The following EHMT1 variants were observed in gnomAD, a reference collection of about 807,000 sequenced individuals.
The protein encoded by EHMT1 is histone-lysine N-methyltransferase EHMT1.
Under a neutral mutation model 147.2 loss-of-function variants are expected in EHMT1, and 15 were observed. The observed-to-expected ratio is 0.10, with a 90% CI of 0.07 to 0.16. The LOEUF is 0.16. EHMT1 is among the 10% of genes least tolerant of loss of function. The pLI is 1.00. For missense variants in EHMT1, 1,587 were observed against 1,772.4 expected (o/e 0.90, Z 1.88); for synonymous variants, 795 against 709.6 (o/e 1.12, Z -1.91).
intron 23 of EHMT1, 49 bp from the exon 24 acceptor site, chr9:137,817,390 A>G (rs1181719400): frequency 6.2e-7 from 1 of 1,605,522 alleles, no homozygotes; most frequent in African/African-American, 1.3e-5. Context: ...CCATTGTGGC[A>G]ACAGGCTGAG....
intron 12 of EHMT1, chr9:137,777,050 G>T: frequency 1.7e-6 from 1 of 577,234 alleles, no homozygotes; most frequent in Non-Finnish European, 3.0e-6. Context: ...TGGTTATGTA[G>T]ATCCATTTGC....
intron 7 of EHMT1, among the ~76,000 whole-genome samples, chr9:137,753,402 C>T (rs1221179687): frequency 6.6e-6 from 1 of 152,158 alleles, no homozygotes; most frequent in Non-Finnish European, 1.5e-5. Flanking sequence ...AAATTCTTCC[C>T]AAAAGTTTTG....
chr9:137,759,374 A>G (rs1360350796), intron 9 of EHMT1, among the ~76,000 whole-genome samples: 3 of 152,182 alleles, frequency 2.0e-5, no homozygotes, highest in Non-Finnish European at 4.4e-5. Context: ...AGGAGTAAAT[A>G]GTATTTCATT....
intron 1 of EHMT1, among the ~76,000 whole-genome samples, chr9:137,675,674 C>T (rs545779349): frequency 7.0e-6 from 1 of 142,208 alleles, no homozygotes; most frequent in South Asian, 2.3e-4. Context: ...CGCTCTGTCA[C>T]CAGGCTGGCT....
intron 25 of EHMT1, 23 bp from the exon 26 acceptor site, chr9:137,834,326 C>A (rs529969669): frequency 1.2e-6 from 2 of 1,603,744 alleles, no homozygotes; most frequent in Non-Finnish European, 1.7e-6. Context: ...AACTGCAGCC[C>A]GTGCCGGCTT....
At chr9:137,649,577 G>A (rs1845159218) in intron 1 of EHMT1, among the ~76,000 whole-genome samples, 1 of 152,202 alleles carries the variant, frequency 6.6e-6, no homozygotes, top group African/African-American at 2.4e-5. Flanking sequence ...ATTAATTAAG[G>A]ATCTTGAGAT....
chr9:137,666,210 G>A (rs1939629370), intron 1 of EHMT1, among the ~76,000 whole-genome samples: 1 of 152,158 alleles, frequency 6.6e-6, no homozygotes, highest in Admixed American at 6.5e-5. Flanking sequence ...TTGCTCTCTG[G>A]TCACCCACCA....
At position 137,678,457 on chromosome 9, in the gene EHMT1, C is replaced by T. The variant is rs116815682; in HGVS notation, c.22-32510C>T. On this transcript the variant is annotated intron_variant, in intron 1 of 26. Transcript: ENST00000460843. ...TTTTGTGAAATGCTTTTTCTCCCTCCGTTGTCACGATCATGTGCTTTCTGT... is the reference window on the plus strand; with the variant it reads ...TTTTGTGAAATGCTTTTTCTCCCTCTGTTGTCACGATCATGTGCTTTCTGT... 5.4e-3 allele frequency among the ~76,000 whole-genome samples: 824 copies of T among 152,198 alleles called. 10 individuals carry two copies. Among genetic ancestry groups the T allele is most frequent in the African/African-American group, 0.019 (780 of 41,510 alleles).
At chr9:137,635,664 CA>C (rs1589061565) in intron 1 of EHMT1, among the ~76,000 whole-genome samples, 1 of 150,718 alleles carries the variant, frequency 6.6e-6, no homozygotes, top group Non-Finnish European at 1.5e-5. Context: ...ACTAAAAATA[CA>C]AAAAATTAGT....
At chr9:137,772,363 A>AGTGG (rs34283952) in intron 10 of EHMT1, among the ~76,000 whole-genome samples, 1 of 14,728 alleles carries the variant, frequency 6.8e-5, no homozygotes, top group Non-Finnish European at 1.3e-4. Context: ...TTAATAAAAC[A>AGTGG]GACACTAAAA....
intron 1 of EHMT1, among the ~76,000 whole-genome samples, chr9:137,681,900 C>G (rs771278499): frequency 6.6e-6 from 1 of 152,068 alleles, no homozygotes; most frequent in African/African-American, 2.4e-5. Flanking sequence ...GTCACTGATG[C>G]GGGAAGCTCT....
intron 7 of EHMT1, 139 bp from the exon 8 acceptor site, chr9:137,754,032 C>A (rs1949190886): frequency 6.9e-7 from 1 of 1,440,458 alleles, no homozygotes; most frequent in Non-Finnish European, 9.7e-7. Context: ...AGCAAAATGT[C>A]TACAAGTTAA....
chr9:137,638,340 C>T (rs945589494), intron 1 of EHMT1: 21 of 152,024 alleles, frequency 1.4e-4, no homozygotes, highest in African/African-American at 4.6e-4. Context: ...GCGCTCCTGA[C>T]CTCAGGTGAT....
rs1950941112 is a variant in EHMT1 at position 137,776,171 on chromosome 9, G to C, written c.1792-447G>C. Among the ~76,000 whole-genome samples, 1 of 152,156 alleles carries C rather than the reference G, an allele frequency of 6.6e-6. No individual in the cohort carries two copies. The highest frequency in any genetic ancestry group is 2.1e-4 in the South Asian group (1 of 4,824). The stretch of plus-strand genomic sequence containing the variant: ...GAAAATGCTGTTCTTACGGCTGTGT[G>C]CCCCTCCTCGAGGCTCACCTGGGTC... On this transcript the variant is annotated intron_variant, in intron 11 of 26. Transcript: ENST00000460843. This position sits in a 1 kb window ranked among gnomAD's most constrained non-coding sequence, Gnocchi z 4.4.
chr9:137,635,366 C>A (rs930118993), intron 1 of EHMT1, among the ~76,000 whole-genome samples: 1 of 151,284 alleles, frequency 6.6e-6, no homozygotes, highest in Non-Finnish European at 1.5e-5. Flanking sequence ...ATCGCCACGC[C>A]CAGCTAATTT....
intron 1 of EHMT1, among the ~76,000 whole-genome samples, chr9:137,635,739 G>A (rs999399124): frequency 1.6e-3 from 236 of 151,060 alleles, no homozygotes; most frequent in African/African-American, 4.8e-3. Flanking sequence ...AGAATGGCAT[G>A]AACCTGGGAG....
intron 1 of EHMT1, among the ~76,000 whole-genome samples, chr9:137,645,239 T>A (rs1844802604): frequency 6.6e-6 from 1 of 152,266 alleles, no homozygotes; most frequent in African/African-American, 2.4e-5. Flanking sequence ...CTTGATAGAT[T>A]GTTGTGTAAC....
At chr9:137,623,766 A>G (rs1386223543) in intron 1 of EHMT1, among the ~76,000 whole-genome samples, 1 of 152,150 alleles carries the variant, frequency 6.6e-6, no homozygotes, top group East Asian at 1.9e-4. Flanking sequence ...TTTGGCTGGT[A>G]GGTTGGAAAG....
chr9:137,703,905 G>A (rs1227976259), intron 1 of EHMT1, among the ~76,000 whole-genome samples: 1 of 152,030 alleles, frequency 6.6e-6, no homozygotes, highest in Non-Finnish European at 1.5e-5. Flanking sequence ...CTAATTCTGG[G>A]TAATTTATAA....
Sources: gnomAD v4.1 joint callset for allele counts (sites outside exome capture counted in the v4.1 genomes callset) on GRCh38, gnomAD v4.1.1 for gene constraint, Gnocchi (gnomAD v3.1) non-coding constraint, MANE v1.5 for transcripts, NCBI Gene and HGNC (gene_info 2026-07-23, HGNC 2026-07-21) for gene names.